SCMH1: variants seen among roughly 807,000 people sequenced by gnomAD.
SCMH1 encodes polycomb protein SCMH1.
SCMH1 carries 37 observed loss-of-function variants against 70.8 expected under a neutral mutation model. That is an observed-to-expected ratio of 0.52 (90% CI 0.40 to 0.69). The LOEUF (loss-of-function observed/expected upper bound fraction) is 0.69. SCMH1 is among the 30% of genes least tolerant of loss of function. The pLI is 0.00. For synonymous variants in SCMH1, 292 were observed against 307.4 expected, an observed-to-expected ratio of 0.95 and a Z score of 0.52; for missense variants, 607 against 827.3, an observed-to-expected ratio of 0.73 and a Z score of 3.27.
At position 41,121,756 on chromosome 1, in the gene SCMH1, T is replaced by C. The variant is rs187256645; in HGVS notation, c.413-4746A>G. Among the ~76,000 whole-genome samples the C allele has an allele frequency of 3.9e-5, 6 of 152,290 alleles. No individual in the cohort carries two copies. The East Asian group carries it at 1.2e-3, about 29-fold the overall frequency. On this transcript the variant is annotated intron_variant, in intron 6 of 14. Coordinates refer to ENST00000337495, the Ensembl canonical transcript of SCMH1. ...TCTAAGAAAACGTAAAATGAATAAG[T>C]TTAAGACAGTACTCTTGATTCTACT... is the stretch of plus-strand genomic sequence containing the variant.
intron 6 of SCMH1, among the ~76,000 whole-genome samples, chr1:41,140,482 G>A (rs933059637): frequency 7.9e-5 from 12 of 152,090 alleles, no homozygotes; most frequent in Admixed American, 5.2e-4. Flanking sequence ...CAGTAGAGAC[G>A]AGGTTTCACC....
At chr1:41,137,780 AG>A (rs1223214772) in intron 6 of SCMH1, among the ~76,000 whole-genome samples, 7 of 152,130 alleles carry the variant, frequency 4.6e-5, no homozygotes, top group African/African-American at 1.7e-4. Flanking sequence ...GGGGGAGGAG[AG>A]GCTCTTCCTT....
intron 8 of SCMH1, among the ~76,000 whole-genome samples, chr1:41,096,752 A>C (rs966059416): frequency 1.3e-5 from 2 of 152,086 alleles, no homozygotes; most frequent in East Asian, 3.9e-4. Context: ...TGACTACACA[A>C]AGTGCAGACA....
chr1:41,105,528 T>C (rs1322835107), intron 8 of SCMH1, among the ~76,000 whole-genome samples: 1 of 152,184 alleles, frequency 6.6e-6, no homozygotes. Flanking sequence ...TTCCTAGACA[T>C]GACAGAAAGA....
chr1:41,192,525 C>CACACACA (rs1553171751), intron 1 of SCMH1, among the ~76,000 whole-genome samples: 2 of 149,774 alleles, frequency 1.3e-5, no homozygotes, highest in Non-Finnish European at 3.0e-5. Context: ...CACACACACA[C>CACACACA]CACTTAGAAC....
intron 12 of SCMH1, among the ~76,000 whole-genome samples, chr1:41,045,291 CATAGAA>C (rs1391782457): frequency 1.3e-5 from 2 of 152,140 alleles, no homozygotes; most frequent in African/African-American, 2.4e-5. Flanking sequence ...GCCAGGGGAT[CATAGAA>C]ATGGCTGCAG....
chr1:41,076,911 G>A (rs1658443995), intron 8 of SCMH1, among the ~76,000 whole-genome samples: 1 of 152,128 alleles, frequency 6.6e-6, no homozygotes, highest in Non-Finnish European at 1.5e-5. Context: ...AGCCACTAGA[G>A]GGTTTTGAGC....
At chr1:41,208,434 T>TAA (rs1557828293) in intron 1 of SCMH1, among the ~76,000 whole-genome samples, 1 of 40,268 alleles carries the variant, frequency 2.5e-5, no homozygotes, top group Non-Finnish European at 7.4e-5. Flanking sequence ...AAGAAAAAAA[T>TAA]TAAAAAAAAA....
chr1:41,230,577 G>A (rs1661113370), intron 1 of SCMH1, among the ~76,000 whole-genome samples: 1 of 151,672 alleles, frequency 6.6e-6, no homozygotes, highest in African/African-American at 2.4e-5. Context: ...AGGATCCCCT[G>A]AGCCCAGGAA....
At chr1:41,208,251 G>A (rs1355237565) in intron 1 of SCMH1, among the ~76,000 whole-genome samples, 1 of 108,016 alleles carries the variant, frequency 9.3e-6, no homozygotes, top group African/African-American at 3.6e-5. Context: ...ACAGGAAGGG[G>A]AATATCACAC....
chr1:41,030,116 T>C (rs928195839), intron 13 of SCMH1, among the ~76,000 whole-genome samples: 2 of 152,174 alleles, frequency 1.3e-5, no homozygotes, highest in Non-Finnish European at 2.9e-5. Flanking sequence ...CTCAGAAGGC[T>C]GAGGCAGGAG....
chr1:41,119,741 C>T (rs1022127624), intron 6 of SCMH1, among the ~76,000 whole-genome samples: 1 of 152,158 alleles, frequency 6.6e-6, no homozygotes, highest in Admixed American at 6.6e-5. Context: ...AGCCAAAGTA[C>T]AGCATGGGAT....
At chr1:41,106,823 G>T (rs1419493000) in intron 8 of SCMH1, among the ~76,000 whole-genome samples, 3 of 151,726 alleles carry the variant, frequency 2.0e-5, no homozygotes, top group East Asian at 1.9e-4. Context: ...CCGAGTAGCA[G>T]GGACTGCAGA....
At chr1:41,210,394 T>C (rs933193187) in intron 1 of SCMH1, among the ~76,000 whole-genome samples, 17 of 152,150 alleles carry the variant, frequency 1.1e-4, no homozygotes, top group African/African-American at 3.9e-4. Context: ...AGAGCCCACA[T>C]AGACAAGACA....
intron 6 of SCMH1, among the ~76,000 whole-genome samples, chr1:41,135,795 C>T (rs28510291): frequency 0.02 from 3,017 of 152,242 alleles, 104 homozygotes; most frequent in African/African-American, 0.069. Context: ...AATATTTCCA[C>T]CATTGCAGAA....
chr1:41,063,509 A>G (rs1013197768), intron 10 of SCMH1, among the ~76,000 whole-genome samples: 26 of 152,054 alleles, frequency 1.7e-4, no homozygotes, highest in African/African-American at 6.3e-4. Context: ...TGAAACCAAA[A>G]GCTGGTTTGT....
exon 15 of SCMH1, chr1:41,028,167 T>G: frequency 6.2e-7 from 1 of 1,613,684 alleles, no homozygotes; most frequent in Non-Finnish European, 8.5e-7. Context: ...CTGCTGCCAC[T>G]TGGTTGTCTA....
At chr1:41,114,040 G>A (rs1220454220) in intron 7 of SCMH1, among the ~76,000 whole-genome samples, 1 of 151,830 alleles carries the variant, frequency 6.6e-6, no homozygotes, top group Non-Finnish European at 1.5e-5. Flanking sequence ...TATATATATC[G>A]AAATTTATTC....
intron 1 of SCMH1, among the ~76,000 whole-genome samples, chr1:41,223,996 C>T (rs549615528): frequency 6.6e-6 from 1 of 152,094 alleles, no homozygotes; most frequent in Non-Finnish European, 1.5e-5. Context: ...TACCCTCTAG[C>T]CTCACCTTTA....
Sources: allele counts gnomAD v4.1 joint callset (sites outside exome capture counted in the v4.1 genomes callset), GRCh38; gene constraint gnomAD v4.1.1; transcripts MANE v1.5; gene names NCBI Gene and HGNC (gene_info 2026-07-23, HGNC 2026-07-21).